ZNF407: variants seen among roughly 807,000 people sequenced by gnomAD.
ZNF407 encodes the protein zinc finger protein 407.
ZNF407 carries 17 observed loss-of-function variants against 131.2 expected under a neutral mutation model. The ratio of observed to expected loss-of-function variants is 0.13; its 90% CI spans 0.09 to 0.19. The LOEUF (loss-of-function observed/expected upper bound fraction) is 0.19, where lower values mean the gene tolerates loss of function less well. Ranked by LOEUF, ZNF407 falls within the 10% of genes least tolerant of loss-of-function variation. The pLI is 1.00. For missense variants in ZNF407, 2,681 were observed against 2,830.6 expected (o/e 0.95, Z 1.20); for synonymous variants, 1,156 against 1,062.0 (o/e 1.09, Z -1.72).
chr18:74,704,139 TC>T (rs1967566984), intron 3 of ZNF407, among the ~76,000 whole-genome samples: 1 of 152,166 alleles, frequency 6.6e-6, no homozygotes, highest in African/African-American at 2.4e-5. Flanking sequence ...ATAGCTTTCT[TC>T]TTCTGTCAGC....
intron 3 of ZNF407, among the ~76,000 whole-genome samples, chr18:74,777,730 A>ACTCTCT (rs755262242): frequency 1.2e-5 from 1 of 86,498 alleles, no homozygotes; most frequent in Non-Finnish European, 2.8e-5. Context: ...GATCGATCGC[A>ACTCTCT]CTCTCTCTCT....
chr18:74,711,788 G>C lies in ZNF407; in HGVS notation c.4803-69640G>C, dbSNP rs2144847823. Among the ~76,000 whole-genome samples, 5 of 152,222 alleles carry C rather than the reference G, an allele frequency of 3.3e-5. No individual in the cohort carries two copies. The Middle Eastern group carries it at 0.017, about 518-fold the overall frequency. On this transcript the variant is annotated intron_variant, in intron 3 of 8. Transcript: ENST00000299687. ...TGCATTGGCATGATCTCAGCTCACT[G>C]CAACCTCCGCCTCTCAGGTTCAAGC...
chr18:74,847,109 T>G (rs556143457), intron 4 of ZNF407, among the ~76,000 whole-genome samples: 1 of 152,356 alleles, frequency 6.6e-6, no homozygotes, highest in South Asian at 2.1e-4. Flanking sequence ...GTAACCAATT[T>G]ATTTTCTTGT....
At chr18:74,810,603 CT>C (rs1970179818) in intron 4 of ZNF407, among the ~76,000 whole-genome samples, 1 of 152,148 alleles carries the variant, frequency 6.6e-6, no homozygotes, top group Non-Finnish European at 1.5e-5. Flanking sequence ...TTCATTTTAA[CT>C]TTTTAAACTT....
intron 8 of ZNF407, among the ~76,000 whole-genome samples, chr18:74,936,456 C>T (rs1433536846): frequency 6.6e-6 from 1 of 152,172 alleles, no homozygotes; most frequent in Non-Finnish European, 1.5e-5. Flanking sequence ...TTTAGTGAGA[C>T]TCTGCCCCTG....
chr18:74,758,512 A>G (rs1045338098), intron 3 of ZNF407, among the ~76,000 whole-genome samples: 4 of 152,204 alleles, frequency 2.6e-5, no homozygotes, highest in East Asian at 1.9e-4. Flanking sequence ...ATATCCATCA[A>G]TACAAATTTG....
At chr18:74,675,165 G>T (rs1329218352) in intron 3 of ZNF407, among the ~76,000 whole-genome samples, 1 of 152,108 alleles carries the variant, frequency 6.6e-6, no homozygotes, top group African/African-American at 2.4e-5. Flanking sequence ...TGCCTGAGGG[G>T]CCTTTATACT....
In ZNF407 at chr18:74,635,360, A is replaced by T; in HGVS notation, c.4341A>T (p.Leu1447Phe). The part of the protein sequence containing the change: ...HPTKEKHFHC[L>F]LCGKSFYTES... The stretch of plus-strand genomic sequence containing the variant: ...CAAAAGAGAAGCACTTCCATTGTTT[A>T]CTCTGTGGAAAGTCGTTCTATACCG... The change falls in exon 2 of 9, where the codon TTA (leucine) becomes TTT (phenylalanine). Residue 1447 changes from leucine (L) to phenylalanine (F), a missense_variant. Physicochemically the swap from Leu to Phe is conservative, Grantham distance 22. Around this residue, in one of 6 missense-constraint regions of ZNF407, gnomAD observed 1,789 missense variants for 1,748.7 expected, o/e 1.02. Transcript: ENST00000299687. This position sits in a 1 kb window ranked among gnomAD's most constrained non-coding sequence, Gnocchi z 4.7. The T allele has an allele frequency of 1.9e-6, 3 of 1,613,868 alleles. No homozygotes were observed. The highest frequency in any genetic ancestry group is 2.5e-6 in the Non-Finnish European group (3 of 1,179,864).
chr18:74,641,739 A>G (rs925815748), intron 3 of ZNF407, among the ~76,000 whole-genome samples: 7 of 152,236 alleles, frequency 4.6e-5, no homozygotes, highest in African/African-American at 1.7e-4. Flanking sequence ...TTGGATAGAA[A>G]GTGCTAAGGT....
At chr18:74,955,015 G>A (rs1019883674) in intron 8 of ZNF407, among the ~76,000 whole-genome samples, 9 of 152,222 alleles carry the variant, frequency 5.9e-5, no homozygotes, top group Non-Finnish European at 7.3e-5. Context: ...TTGATATAGT[G>A]ATGCTGGAGG....
At position 74,767,482 on chromosome 18, in the gene ZNF407, A is replaced by G. The variant is rs150345905; in HGVS notation, c.4803-13946A>G. On this transcript the variant is annotated intron_variant, in intron 3 of 8. Transcript: ENST00000299687. ...AAACTTTTATTATTAAGTGCATCCTATTGTGTTCTAATTTTTGTATAATTG... is the reference window on the plus strand; with the variant it reads ...AAACTTTTATTATTAAGTGCATCCTGTTGTGTTCTAATTTTTGTATAATTG... Among the ~76,000 whole-genome samples, 717 of 152,058 alleles carry G rather than the reference A, an allele frequency of 4.7e-3. 10 individuals carry two copies. The highest frequency in any genetic ancestry group is 0.016 in the African/African-American group (683 of 41,466).
chr18:74,756,843 C>T (rs1968976279), intron 3 of ZNF407, among the ~76,000 whole-genome samples: 1 of 151,954 alleles, frequency 6.6e-6, no homozygotes, highest in African/African-American at 2.4e-5. Flanking sequence ...TTCTTCTTTC[C>T]AGGAATTTGT....
intron 4 of ZNF407, among the ~76,000 whole-genome samples, chr18:74,864,117 T>G (rs1264549140): frequency 6.6e-6 from 1 of 152,120 alleles, no homozygotes; most frequent in Non-Finnish European, 1.5e-5. Flanking sequence ...CTAATTATGA[T>G]GGTTGGTTGG....
intron 8 of ZNF407, among the ~76,000 whole-genome samples, chr18:75,006,696 TC>T (rs1972914607): frequency 6.6e-6 from 1 of 152,204 alleles, no homozygotes; most frequent in Non-Finnish European, 1.5e-5. Context: ...GATAAATGTT[TC>T]ATCTGGGCTT....
chr18:75,039,679 A>G (rs1222978147), intron 8 of ZNF407, among the ~76,000 whole-genome samples: 1 of 146,788 alleles, frequency 6.8e-6, no homozygotes, highest in East Asian at 2.0e-4. Flanking sequence ...TGAGTTTTGC[A>G]GATTATCTCT....
At chr18:74,630,877 G>A (rs982708155) in intron 1 of ZNF407, 90 bp from the exon 2 acceptor site, 1 of 1,001,494 alleles carries the variant, frequency 1.0e-6, no homozygotes, top group African/African-American at 1.6e-5. Context: ...TTTCATTGGG[G>A]CTAACTTCAT....
chr18:74,913,564 A>G (rs1971704195), intron 7 of ZNF407, among the ~76,000 whole-genome samples: 1 of 152,182 alleles, frequency 6.6e-6, no homozygotes, highest in Non-Finnish European at 1.5e-5. Context: ...CTGTAGCTTG[A>G]AAAAGTAGTG....
At chr18:74,725,701 A>G (rs1968140341) in intron 3 of ZNF407, among the ~76,000 whole-genome samples, 1 of 152,124 alleles carries the variant, frequency 6.6e-6, no homozygotes, top group African/African-American at 2.4e-5. Flanking sequence ...TCATTTTTTA[A>G]ACTATAATAC....
intron 7 of ZNF407, among the ~76,000 whole-genome samples, chr18:74,917,079 T>C (rs958665880): frequency 5.9e-5 from 9 of 152,094 alleles, no homozygotes; most frequent in African/African-American, 2.2e-4. Flanking sequence ...GTTTTTGTTT[T>C]AGTGGAGAGA....
Sources: allele counts gnomAD v4.1 joint callset (sites outside exome capture counted in the v4.1 genomes callset), GRCh38; gene constraint gnomAD v4.1.1; regional missense constraint gnomAD v4.1.1; non-coding constraint Gnocchi (gnomAD v3.1); transcripts MANE v1.5; gene names NCBI Gene and HGNC (gene_info 2026-07-23, HGNC 2026-07-21).